The following SRI variants were observed in gnomAD, a reference collection of about 807,000 sequenced individuals.
SRI encodes 22 kDa protein.
SRI carries 30 observed loss-of-function variants against 33.3 expected under a neutral mutation model. The observed-to-expected ratio is 0.90, with a 90% CI of 0.67 to 1.22. SRI has a LOEUF of 1.22. Ranked by LOEUF, SRI falls within the 50% of genes most tolerant of loss-of-function variation. The pLI, the probability that SRI is intolerant of heterozygous loss-of-function variation, is 0.00. For missense variants in SRI, 243 were observed against 250.8 expected, an observed-to-expected ratio of 0.97 and a Z score of 0.21; for synonymous variants, 75 against 89.9, an observed-to-expected ratio of 0.83 and a Z score of 0.94.
intron 2 of SRI, 79 bp from the exon 3 acceptor site, chr7:88,217,270 TAAC>T: frequency 1.7e-6 from 2 of 1,161,378 alleles, no homozygotes; most frequent in South Asian, 1.3e-5. Flanking sequence ...AATGAAGCAA[TAAC>T]AACAAAGAAA....
At chr7:88,226,588 G>A (rs1852002465) in intron 1 of SRI, among the ~76,000 whole-genome samples, 1 of 152,128 alleles carries the variant, frequency 6.6e-6, no homozygotes, top group Non-Finnish European at 1.5e-5. Flanking sequence ...AGGTGCCTAG[G>A]TACAGTAGAT....
rs770156280 is a variant in SRI at position 88,205,622 on chromosome 7, G to T, written c.*856C>A. 1 of 152,122 alleles carries T rather than the reference G, an allele frequency of 6.6e-6. No homozygotes were observed. Among genetic ancestry groups the T allele is most frequent in the Non-Finnish European group, 1.5e-5 (1 of 68,022 alleles). 9.4% of individuals were successfully genotyped at this position (152,122 alleles called of 1,614,324 possible). Reference sequence around the variant, plus strand: ...CAGTGGTAGCCAGATCAATGTTTTGGTACATACTTTCCGATACTCTGCTAT... The same window carrying T: ...CAGTGGTAGCCAGATCAATGTTTTGTTACATACTTTCCGATACTCTGCTAT... On this transcript the variant is annotated 3_prime_UTR_variant, in exon 8 of 8. Transcript: ENST00000265729.
intron 3 of SRI, among the ~76,000 whole-genome samples, chr7:88,212,754 C>G (rs1851609654): frequency 6.6e-6 from 1 of 152,174 alleles, no homozygotes; most frequent in African/African-American, 2.4e-5. Flanking sequence ...CTGGTTCAAC[C>G]TGAACCAGCA....
At chr7:88,209,179 C>A (rs1433232965) in intron 6 of SRI, 160 bp downstream of exon 6, 4 of 500,500 alleles carry the variant, frequency 8.0e-6, no homozygotes, top group East Asian at 3.3e-5. Context: ...GAAAAAAAAC[C>A]AAAAAATTAT....
At chr7:88,219,549 T>G (rs1586721438) in intron 1 of SRI, 3 of 186,620 alleles carry the variant, frequency 1.6e-5, no homozygotes, top group Non-Finnish European at 2.2e-5. Context: ...TTTTTGTTTG[T>G]TTGTTTGTTT....
At position 88,217,472 on chromosome 7, in the gene SRI, AT is replaced by A. The variant is rs1012640782; in HGVS notation, c.136-282del. On this transcript the variant is annotated intron_variant, in intron 2 of 7. Transcript: ENST00000265729. Reference sequence around the variant, plus strand: ...CTGCTACAGCTAAACATTTTAAAATATTTTTTTTTGATGGGGGTGGAGAGAG... The same window carrying A: ...CTGCTACAGCTAAACATTTTAAAATATTTTTTTTGATGGGGGTGGAGAGAG... 7.9e-4 allele frequency among the ~76,000 whole-genome samples: 119 copies of A among 151,356 alleles called. 1 individual carries two copies. Among genetic ancestry groups the A allele is most frequent in the African/African-American group, 2.7e-3 (110 of 41,350 alleles).
At chr7:88,225,909 A>T (rs1851982839) in intron 1 of SRI, among the ~76,000 whole-genome samples, 1 of 152,240 alleles carries the variant, frequency 6.6e-6, no homozygotes, top group East Asian at 1.9e-4. Flanking sequence ...GTAAATATGC[A>T]TGGCTAAAGG....
chr7:88,208,509 C>T lies in SRI; in HGVS notation c.568G>A (p.Asp190Asn), dbSNP rs1255497407. ...QQGVVNFPYD[D>N]FIQCVMSV Reference sequence around the variant, plus strand: ...ATCTCTTAATTTCTAAGACTTACATCATCATATGGGAAATTCACAACACCT... The same window carrying T: ...ATCTCTTAATTTCTAAGACTTACATTATCATATGGGAAATTCACAACACCT... Residue 190 changes from aspartate (D) to asparagine (N), a missense_variant and splice_region_variant, in exon 7 of 8, where the codon GAT becomes AAT. Coordinates refer to ENST00000265729, the MANE Select transcript of SRI (RefSeq NM_003130.4). 1 of 1,613,712 alleles carries T rather than the reference C, an allele frequency of 6.2e-7. No homozygotes were observed. The highest frequency in any genetic ancestry group is 1.3e-5 in the African/African-American group (1 of 74,922).
chr7:88,222,598 T>G (rs569595326), upstream of SRI, among the ~76,000 whole-genome samples: 1 of 152,198 alleles, frequency 6.6e-6, no homozygotes. Flanking sequence ...GCCCTCAAAC[T>G]ATACTACAAG....
chr7:88,225,625 G>C (rs1851977856), intron 1 of SRI, among the ~76,000 whole-genome samples: 2 of 152,190 alleles, frequency 1.3e-5, no homozygotes, highest in Non-Finnish European at 2.9e-5. Flanking sequence ...CAGACTAATA[G>C]CAATTCCAGT....
intron 6 of SRI, 126 bp from the exon 7 acceptor site, chr7:88,208,691 A>G (rs972933624): frequency 7.0e-7 from 1 of 1,420,160 alleles, no homozygotes; most frequent in Non-Finnish European, 9.6e-7. Flanking sequence ...CAATTAACAT[A>G]AACAAAAGAC....
upstream of SRI, among the ~76,000 whole-genome samples, chr7:88,223,147 T>C (rs1265981745): frequency 6.6e-6 from 1 of 152,214 alleles, no homozygotes; most frequent in Non-Finnish European, 1.5e-5. Context: ...ATTCAATTCT[T>C]ACAATTATTG....
At position 88,215,221 on chromosome 7, in the gene SRI, A is replaced by G. The variant is rs192492580; in HGVS notation, c.205+1901T>C. Reference sequence around the variant, plus strand: ...TGGTTCAGTACGGCCACCAGAGAGTAGGCAAATGGATTCAATCACATAGGC... The same window carrying G: ...TGGTTCAGTACGGCCACCAGAGAGTGGGCAAATGGATTCAATCACATAGGC... On this transcript the variant is annotated intron_variant, in intron 3 of 7. Transcript: ENST00000265729. Among the ~76,000 whole-genome samples the G allele has an allele frequency of 7.9e-5, 12 of 152,368 alleles. No individual in the cohort carries two copies. In the East Asian group the frequency reaches 2.1e-3, roughly 27 times the overall value.
upstream of SRI, among the ~76,000 whole-genome samples, chr7:88,223,789 A>C (rs1314924907): frequency 6.6e-6 from 1 of 152,154 alleles, no homozygotes; most frequent in Non-Finnish European, 1.5e-5. Flanking sequence ...CACTGCTGGA[A>C]GCCCCTCCAG....
At position 88,209,381 on chromosome 7, in the gene SRI, C is replaced by A. The variant is rs754279084; in HGVS notation, c.469G>T (p.Asp157Tyr). 1.2e-6 allele frequency: 2 copies of A among 1,613,992 alleles called. No homozygotes were observed. Among genetic ancestry groups the A allele is most frequent in the South Asian group, 2.2e-5 (2 of 91,074 alleles). Reference protein sequence around the residue: ...RYSTNGKITFDDYIACCVKLR... With the variant: ...RYSTNGKITFYDYIACCVKLR... ...TTGACGCAGCAGGCGATGTAGTCGTCGAAGGTGATCTTTCCATTGGTGCTG... is the reference window on the plus strand; with the variant it reads ...TTGACGCAGCAGGCGATGTAGTCGTAGAAGGTGATCTTTCCATTGGTGCTG... Residue 157 changes from aspartate (D) to tyrosine (Y), a missense_variant, in exon 6 of 8, where the codon GAC becomes TAC. By Grantham distance (160) the Asp-to-Tyr change is radical. Coordinates refer to ENST00000265729, the MANE Select transcript of SRI (RefSeq NM_003130.4).
chr7:88,214,819 T>C, intron 3 of SRI: 1 of 1,176,836 alleles, frequency 8.5e-7, no homozygotes, highest in Non-Finnish European at 1.1e-6. Flanking sequence ...TTCTCTTCTG[T>C]TCATTCTACT....
upstream of SRI, among the ~76,000 whole-genome samples, chr7:88,225,016 C>T (rs1851965459): frequency 6.6e-6 from 1 of 152,196 alleles, no homozygotes. Context: ...GCTTCCTCCT[C>T]CCTGGAACTC....
upstream of SRI, among the ~76,000 whole-genome samples, chr7:88,221,143 A>G (rs1256926385): frequency 6.6e-6 from 1 of 152,202 alleles, no homozygotes; most frequent in Non-Finnish European, 1.5e-5. Flanking sequence ...GGTCATCAAC[A>G]TTTCACAAAT....
chr7:88,208,827 A>G lies in SRI; in HGVS notation c.512-262T>C, dbSNP rs200324829. 43 of 446,860 alleles carry G rather than the reference A, an allele frequency of 9.6e-5. No individual in the cohort carries two copies. In the East Asian group the frequency reaches 1.8e-3, roughly 18 times the overall value. The allele number at this position is 446,860 out of a possible 1,614,324, so 27.7% of individuals were successfully genotyped here. ...TAGATCTGGAGAAAATACCTTACCC[A>G]AAGTCAGTAAAAGCTGTGCAACTTC... On this transcript the variant is annotated intron_variant, in intron 6 of 7. Coordinates refer to ENST00000265729, the MANE Select transcript of SRI (RefSeq NM_003130.4).
Sources: gnomAD v4.1 joint callset for allele counts (sites outside exome capture counted in the v4.1 genomes callset) on GRCh38, gnomAD v4.1.1 for gene constraint, MANE v1.5 for transcripts, NCBI Gene and HGNC (gene_info 2026-07-23, HGNC 2026-07-21) for gene names.